ZNF236: variants seen among roughly 807,000 people sequenced by gnomAD.
ZNF236 encodes the protein regulated by glucose.
In ZNF236, 50 loss-of-function variants were observed where a neutral mutation model predicts 191.2. The ratio of observed to expected loss-of-function variants is 0.26; its 90% CI spans 0.21 to 0.33. The LOEUF is 0.33. Ranked by LOEUF, ZNF236 falls within the 10% of genes least tolerant of loss-of-function variation. The pLI is 1.00. For synonymous variants in ZNF236, 907 were observed against 928.8 expected (o/e 0.98, Z 0.43); for missense variants, 1,754 against 2,374.5 (o/e 0.74, Z 5.43).
intron 9 of ZNF236, chr18:76,888,411 A>G (rs1333977664): frequency 3.9e-5 from 6 of 152,320 alleles, no homozygotes; most frequent in Admixed American, 6.5e-5. Flanking sequence ...ATATTCTGTA[A>G]CAGAAGTCAA....
At chr18:76,961,092 C>T (rs892329890) in intron 30 of ZNF236, among the ~76,000 whole-genome samples, 5 of 152,084 alleles carry the variant, frequency 3.3e-5, no homozygotes, top group Admixed American at 6.6e-5. Flanking sequence ...GTGAGATTTT[C>T]GTGCACCCAT....
chr18:76,953,037 T>G (rs1368377849), intron 27 of ZNF236, among the ~76,000 whole-genome samples: 2 of 152,204 alleles, frequency 1.3e-5, no homozygotes, highest in Admixed American at 1.3e-4. Context: ...CTTTGCTTTT[T>G]AAAAATCCTT....
At position 76,968,566 on chromosome 18, in the gene ZNF236, G is replaced by T; in HGVS notation, c.*227G>T. On this transcript the variant is annotated 3_prime_UTR_variant, in exon 31 of 31. Coordinates refer to ENST00000320610, the MANE Select transcript of ZNF236 (RefSeq NM_001306089.2). ...TTTGTCTACAAATCACTGAACTCAG[G>T]TACTACTGTAGGCAGTTTCCTCCTC... 7.7e-7 allele frequency: 1 copy of T among 1,304,882 alleles called. No individual in the cohort carries two copies. Among genetic ancestry groups the T allele is most frequent in the Non-Finnish European group, 9.7e-7 (1 of 1,031,668 alleles). 80.8% of individuals were successfully genotyped at this position (1,304,882 alleles called of 1,614,324 possible).
chr18:76,961,828 G>A (rs1343143663), intron 30 of ZNF236, among the ~76,000 whole-genome samples: 1 of 152,030 alleles, frequency 6.6e-6, no homozygotes, highest in Non-Finnish European at 1.5e-5. Flanking sequence ...GTGATGTTGA[G>A]CATTTTTTCA....
At chr18:76,857,415 T>C (rs887058957) in intron 3 of ZNF236, among the ~76,000 whole-genome samples, 1 of 152,230 alleles carries the variant, frequency 6.6e-6, no homozygotes, top group Admixed American at 6.5e-5. Context: ...GCCGTGGTTT[T>C]GTGAAGTCAG....
At position 76,912,204 on chromosome 18, in the gene ZNF236, A is replaced by T. The variant is rs774975260; in HGVS notation, c.2806-40A>T. 1.6e-5 allele frequency: 23 copies of T among 1,446,394 alleles called. No homozygotes were observed. The African/African-American group carries it at 3.2e-4, about 20-fold the overall frequency. 89.6% of individuals were successfully genotyped at this position (1,446,394 alleles called of 1,614,324 possible). ...TCAGTTGTTTTATGTTTATTCACAG[A>T]TATTCAAGTAGTTTGCTTTATACTT... On this transcript the variant is annotated intron_variant, in intron 16 of 30. Coordinates refer to ENST00000320610, the MANE Select transcript of ZNF236 (RefSeq NM_001306089.2).
intron 1 of ZNF236, among the ~76,000 whole-genome samples, chr18:76,844,408 G>A (rs1375008229): frequency 6.6e-6 from 1 of 152,170 alleles, no homozygotes; most frequent in Non-Finnish European, 1.5e-5. Context: ...CCAGGGGGCT[G>A]TTGTCTTAGA....
Position 76,927,441 on chromosome 18 carries a change from G to A in ZNF236, c.4338G>A (p.Gln1446=), listed in dbSNP as rs894882886. Residue 1446 remains glutamine, a synonymous_variant, in exon 24 of 31, where the codon CAG becomes CAA. Transcript: ENST00000320610. The surrounding 1 kb of genome is among the most constrained non-coding windows in gnomAD (Gnocchi z 5.4). The part of the protein sequence containing the change: ...VIQPISGLSL[Q]PTVTSANLTI... ...AGCCCATCTCAGGCCTGTCCTTACA[G>A]CCCACAGTGACCTCTGCGAACCTGA... is the stretch of plus-strand genomic sequence containing the variant. The A allele has an allele frequency of 2.5e-6, 4 of 1,614,180 alleles. No individual in the cohort carries two copies. The African/African-American group carries it at 4.0e-5, about 16-fold the overall frequency.
chr18:76,852,803 A>G (rs1210104178), intron 3 of ZNF236, among the ~76,000 whole-genome samples: 2 of 152,248 alleles, frequency 1.3e-5, no homozygotes, highest in South Asian at 2.1e-4. Flanking sequence ...AAAACACAGT[A>G]TTGAAATTGC....
At chr18:76,918,091 G>C (rs549009003) in intron 19 of ZNF236, among the ~76,000 whole-genome samples, 4 of 152,042 alleles carry the variant, frequency 2.6e-5, no homozygotes, top group African/African-American at 9.6e-5. Flanking sequence ...TTGCAATTTA[G>C]TGTTTCTGTT....
chr18:76,942,689 AT>A (rs1273401941), intron 26 of ZNF236, among the ~76,000 whole-genome samples: 5 of 149,870 alleles, frequency 3.3e-5, no homozygotes, highest in African/African-American at 9.8e-5. Context: ...CTTTTTTGTT[AT>A]TTTTTAGTAG....
At chr18:76,904,584 C>CTAAGTATTTA (rs1568222061) in intron 12 of ZNF236, 63 bp downstream of exon 12, 1 of 1,438,082 alleles carries the variant, frequency 7.0e-7, no homozygotes, top group African/African-American at 1.4e-5. Context: ...GACCTGATGA[C>CTAAGTATTTA]GTCTAGAAGT....
rs750861286 is a variant in ZNF236 at position 76,947,508 on chromosome 18, A to G, written c.4783-13A>G. On this transcript the variant is annotated splice_polypyrimidine_tract_variant and intron_variant, in intron 26 of 30. Transcript: ENST00000320610. ...AAGTTACAACTTCTGAAATAGTACT[A>G]ATCTTTTGCCAGGGTCAGCAGTTCC... The G allele has an allele frequency of 5.6e-6, 9 of 1,610,386 alleles. No individual in the cohort carries two copies. The highest frequency in any genetic ancestry group is 6.8e-6 in the Non-Finnish European group (8 of 1,178,692).
intron 3 of ZNF236, among the ~76,000 whole-genome samples, chr18:76,865,308 G>A (rs546428522): frequency 2.6e-5 from 4 of 152,270 alleles, no homozygotes; most frequent in African/African-American, 9.6e-5. Context: ...TTGCACTCCA[G>A]CCTGGGCCAC....
Position 76,910,777 on chromosome 18 carries a change from T to C in ZNF236, c.2771T>C (p.Leu924Ser). The C allele has an allele frequency of 6.2e-7, 1 of 1,614,130 alleles. No homozygotes were observed. The highest frequency in any genetic ancestry group is 8.5e-7 in the Non-Finnish European group (1 of 1,180,014). Residue 924 changes from leucine (L) to serine (S), a missense_variant, in exon 16 of 31, where the codon TTG becomes TCG. This residue lies in a region of ZNF236 where 641 missense variants were observed against 869.6 expected (regional missense o/e 0.74). Coordinates refer to ENST00000320610, the MANE Select transcript of ZNF236 (RefSeq NM_001306089.2). ...ALSTSFHQQS[L>S]LQAPSSDGMN... is the part of the protein sequence containing the mutation. ...TCCACAAGCTTCCACCAGCAGAGCTTGCTGCAGGCTCCCAGCTCTGATGGG... is the reference window on the plus strand; with the variant it reads ...TCCACAAGCTTCCACCAGCAGAGCTCGCTGCAGGCTCCCAGCTCTGATGGG...
At chr18:76,892,588 A>G (rs1378104637) in intron 9 of ZNF236, among the ~76,000 whole-genome samples, 4 of 152,058 alleles carry the variant, frequency 2.6e-5, no homozygotes, top group African/African-American at 9.7e-5. Context: ...ACTTATTGAG[A>G]TGGAATTTCG....
At chr18:76,901,797 A>T (rs996292847) in intron 11 of ZNF236, among the ~76,000 whole-genome samples, 3 of 152,102 alleles carry the variant, frequency 2.0e-5, no homozygotes, top group Non-Finnish European at 4.4e-5. Flanking sequence ...TACGAATTGT[A>T]CTAAGCTTCC....
intron 1 of ZNF236, among the ~76,000 whole-genome samples, chr18:76,845,894 A>G (rs1267450181): frequency 6.6e-6 from 1 of 151,916 alleles, no homozygotes; most frequent in African/African-American, 2.4e-5. Flanking sequence ...CATCCCATGA[A>G]GAGGCGGTCA....
intron 1 of ZNF236, among the ~76,000 whole-genome samples, chr18:76,824,949 A>T (rs11663079): frequency 0.44 from 67,531 of 151,976 alleles, 15,273 homozygotes; most frequent in East Asian, 0.53. Flanking sequence ...GCGTGGATGA[A>T]CTTGTTAAAT....
Sources: gnomAD v4.1 joint callset for allele counts (sites outside exome capture counted in the v4.1 genomes callset) on GRCh38, gnomAD v4.1.1 for gene constraint, gnomAD v4.1.1 regional missense constraint, Gnocchi (gnomAD v3.1) non-coding constraint, MANE v1.5 for transcripts, NCBI Gene and HGNC (gene_info 2026-07-23, HGNC 2026-07-21) for gene names.